Variants in NEK7 observed in about 807,000 individuals in gnomAD.
NEK7 encodes the protein serine/threonine-protein kinase Nek7.
A neutral mutation model predicts 44.6 loss-of-function variants in NEK7; 18 were observed. That is an observed-to-expected ratio of 0.40 (90% CI 0.28 to 0.60). The LOEUF (loss-of-function observed/expected upper bound fraction) is 0.60, where lower values mean the gene tolerates loss of function less well. NEK7 is among the 20% of genes least tolerant of loss of function. The pLI is 0.38. For synonymous variants in NEK7, 130 were observed against 121.1 expected, an observed-to-expected ratio of 1.07 and a Z score of -0.48; for missense variants, 256 against 366.5, an observed-to-expected ratio of 0.70 and a Z score of 2.46.
At chr1:198,315,771 G>A (rs1655351385) in intron 9 of NEK7, among the ~76,000 whole-genome samples, 1 of 152,184 alleles carries the variant, frequency 6.6e-6, no homozygotes, top group African/African-American at 2.4e-5. Flanking sequence ...GTGCTGTTAG[G>A]AAGAGCTGGT....
At chr1:198,211,679 TTAA>T (rs1268514832) in intron 1 of NEK7, among the ~76,000 whole-genome samples, 3 of 152,192 alleles carry the variant, frequency 2.0e-5, no homozygotes, top group Admixed American at 6.5e-5. Flanking sequence ...TTTTCTGGTG[TTAA>T]TAATATAGTT....
intron 9 of NEK7, among the ~76,000 whole-genome samples, chr1:198,305,775 T>G (rs1301124970): frequency 6.6e-6 from 1 of 152,170 alleles, no homozygotes; most frequent in African/African-American, 2.4e-5. Flanking sequence ...TTTGGTTTGT[T>G]TTATGATCAG....
At chr1:198,307,183 A>G (rs1168599999) in intron 9 of NEK7, among the ~76,000 whole-genome samples, 1 of 152,104 alleles carries the variant, frequency 6.6e-6, no homozygotes, top group African/African-American at 2.4e-5. Context: ...TTCTGCTTAT[A>G]AGGGGGAAAT....
rs185630553 is a variant in NEK7, at chr1:198,290,095, G to A, written c.590-2850G>A. 7.9e-5 allele frequency among the ~76,000 whole-genome samples: 12 copies of A among 152,166 alleles called. No individual in the cohort carries two copies. The East Asian group carries it at 1.5e-3, about 20-fold the overall frequency. Reference sequence around the variant, plus strand: ...CCATTTCCTACTTTTATTCATGTCCGAAGGTTAAAGTGGCATAAGTATCTG... The same window carrying A: ...CCATTTCCTACTTTTATTCATGTCCAAAGGTTAAAGTGGCATAAGTATCTG... On this transcript the variant is annotated intron_variant, in intron 7 of 9. Transcript: ENST00000367385.
chr1:198,168,314 G>A (rs1331102592), intron 1 of NEK7, among the ~76,000 whole-genome samples: 2 of 152,208 alleles, frequency 1.3e-5, no homozygotes, highest in African/African-American at 4.8e-5. Context: ...CTGTAATGAT[G>A]TACCAACGGT....
rs182076054 is a variant in NEK7, at chr1:198,312,926, T to G, written c.799-6486T>G. Among the ~76,000 whole-genome samples, 679 of 152,308 alleles carry G rather than the reference T, an allele frequency of 4.5e-3. 8 individuals carry two copies. Among genetic ancestry groups the G allele is most frequent in the African/African-American group, 0.015 (643 of 41,562 alleles). On this transcript the variant is annotated intron_variant, in intron 9 of 9. Transcript: ENST00000367385. ...AAAATGTATTTTCTGTTGATTTGGG[T>G]TGGAGAGTTCTGTAGATGTCTATTA...
intron 1 of NEK7, among the ~76,000 whole-genome samples, chr1:198,195,969 G>A (rs529411090): frequency 2.0e-5 from 3 of 151,988 alleles, no homozygotes; most frequent in African/African-American, 7.3e-5. Flanking sequence ...TTAATAAAAG[G>A]TTATCTATAA....
intron 9 of NEK7, among the ~76,000 whole-genome samples, chr1:198,312,417 GT>G (rs1414968281): frequency 1.1e-4 from 17 of 151,726 alleles, no homozygotes; most frequent in Admixed American, 3.3e-4. Context: ...TTTTTGAAGG[GT>G]TTTTTGCGTC....
chr1:198,264,724 T>C (rs1430905805), intron 5 of NEK7, among the ~76,000 whole-genome samples: 1 of 152,002 alleles, frequency 6.6e-6, no homozygotes, highest in Non-Finnish European at 1.5e-5. Flanking sequence ...ATAATTAATA[T>C]AATTAAGTTG....
intron 1 of NEK7, among the ~76,000 whole-genome samples, chr1:198,194,472 G>A (rs923760307): frequency 6.6e-6 from 1 of 151,936 alleles, no homozygotes; most frequent in Admixed American, 6.6e-5. Flanking sequence ...GTAGGCCCCA[G>A]TGTCTGTTGT....
In NEK7 at chr1:198,264,166, C is replaced by A; in HGVS notation, c.303C>A (p.Phe101Leu). The A allele has an allele frequency of 2.5e-6, 4 of 1,604,904 alleles. No homozygotes were observed. The highest frequency in any genetic ancestry group is 3.4e-6 in the Non-Finnish European group (4 of 1,175,838). The change falls in exon 5 of 10, where the codon TTC becomes TTA. Residue 101 changes from phenylalanine (F) to leucine (L), a missense_variant. By Grantham distance (22) the Phe-to-Leu change is conservative. Coordinates refer to ENST00000367385, the MANE Select transcript of NEK7 (RefSeq NM_133494.3). ...HPNVIKYYAS[F>L]IEDNELNIVL... ...ATGTAATAAAATATTATGCATCATT[C>A]ATTGAAGATAATGAACTAAACATAG...
intron 1 of NEK7, among the ~76,000 whole-genome samples, chr1:198,202,584 A>G (rs1195741380): frequency 6.6e-6 from 1 of 152,180 alleles, no homozygotes; most frequent in Admixed American, 6.5e-5. Context: ...GTCTGTTCTG[A>G]AAAAGAAGTC....
chr1:198,273,125 C>A (rs899848583), intron 5 of NEK7, among the ~76,000 whole-genome samples: 2 of 151,650 alleles, frequency 1.3e-5, no homozygotes, highest in Non-Finnish European at 3.0e-5. Flanking sequence ...GATTTTCCAA[C>A]ATTACAGGAA....
intron 1 of NEK7, among the ~76,000 whole-genome samples, chr1:198,183,538 C>T (rs1311886997): frequency 2.0e-5 from 3 of 152,074 alleles, no homozygotes; most frequent in South Asian, 2.1e-4. Flanking sequence ...AAATATTATA[C>T]TTTGAAATGT....
At chr1:198,279,109 T>C in intron 7 of NEK7, 48 bp downstream of exon 7, 2 of 1,151,320 alleles carry the variant, frequency 1.7e-6, no homozygotes, top group Non-Finnish European at 2.6e-6. Context: ...GTATGTGTGA[T>C]TAAAAGATAA....
intron 9 of NEK7, among the ~76,000 whole-genome samples, chr1:198,309,707 T>C (rs1655117371): frequency 6.6e-6 from 1 of 151,970 alleles, no homozygotes; most frequent in Admixed American, 6.6e-5. Context: ...GGTTTTTTGT[T>C]CTTGCGATAG....
chr1:198,228,195 TC>T (rs1206696823), intron 1 of NEK7, among the ~76,000 whole-genome samples: 1 of 152,202 alleles, frequency 6.6e-6, no homozygotes, highest in Non-Finnish European at 1.5e-5. Flanking sequence ...CAGCATTATT[TC>T]TGAGGGCTCT....
chr1:198,241,832 ATAGT>A lies in NEK7; in HGVS notation c.57+9199_57+9202del, dbSNP rs545868646. Among the ~76,000 whole-genome samples, 51 of 152,260 alleles carry A rather than the reference ATAGT, an allele frequency of 3.3e-4. No individual in the cohort carries two copies. The South Asian group carries it at 4.1e-3, about 12-fold the overall frequency. ...GAGCTTTCAGTATGATGCTTGACAC[ATAGT>A]TAGCATTCATTAAATGTTAGCAAAA... is the stretch of plus-strand genomic sequence containing the variant. On this transcript the variant is annotated intron_variant, in intron 2 of 9. Coordinates refer to ENST00000367385, the MANE Select transcript of NEK7 (RefSeq NM_133494.3).
chr1:198,198,968 G>T (rs1558052311), intron 1 of NEK7, among the ~76,000 whole-genome samples: 1 of 152,158 alleles, frequency 6.6e-6, no homozygotes, highest in Non-Finnish European at 1.5e-5. Context: ...CTGCTTATGT[G>T]GGGGGCTATC....
Sources: gnomAD v4.1 joint callset for allele counts (sites outside exome capture counted in the v4.1 genomes callset) on GRCh38, gnomAD v4.1.1 for gene constraint, MANE v1.5 for transcripts, NCBI Gene and HGNC (gene_info 2026-07-23, HGNC 2026-07-21) for gene names.